Variants in SLC30A9 observed in about 807,000 individuals in gnomAD.
SLC30A9 encodes proton-coupled zinc antiporter SLC30A9, mitochondrial.
SLC30A9 carries 58 observed loss-of-function variants against 87.5 expected under a neutral mutation model. The observed-to-expected ratio is 0.66, with a 90% CI of 0.54 to 0.82. The LOEUF (loss-of-function observed/expected upper bound fraction) is 0.82, where lower values mean the gene tolerates loss of function less well. SLC30A9 is among the 40% of genes least tolerant of loss of function. SLC30A9 has a pLI of 0.00. For synonymous variants in SLC30A9, 234 were observed against 233.0 expected (o/e 1.00, Z -0.04); for missense variants, 557 against 679.1 (o/e 0.82, Z 2.00).
At chr4:42,016,683 T>G (rs1390159338) in intron 2 of SLC30A9, among the ~76,000 whole-genome samples, 6 of 152,176 alleles carry the variant, frequency 3.9e-5, no homozygotes, top group Non-Finnish European at 5.9e-5. Context: ...TTAAATGAGT[T>G]GATACATGCT....
chr4:42,036,646 C>A (rs1264076491), intron 7 of SLC30A9, among the ~76,000 whole-genome samples: 1 of 152,210 alleles, frequency 6.6e-6, no homozygotes, highest in Non-Finnish European at 1.5e-5. Flanking sequence ...ACCCATTTTG[C>A]AAAGTTTAGA....
chr4:42,036,000 G>A (rs2153137115), intron 7 of SLC30A9, among the ~76,000 whole-genome samples: 1 of 152,220 alleles, frequency 6.6e-6, no homozygotes, highest in South Asian at 2.1e-4. Flanking sequence ...CTCTGTGCTT[G>A]TATCCAAGAA....
At chr4:42,082,159 G>A (rs1437235166) in intron 17 of SLC30A9, among the ~76,000 whole-genome samples, 1 of 151,830 alleles carries the variant, frequency 6.6e-6, no homozygotes, top group Non-Finnish European at 1.5e-5. Flanking sequence ...AGAGCTTGCA[G>A]TGAGCCGAGT....
chr4:42,086,175 C>G lies in SLC30A9; in HGVS notation c.*49C>G, dbSNP rs1266117059. 1 of 1,206,456 alleles carries G rather than the reference C, an allele frequency of 8.3e-7. No homozygotes were observed. Among genetic ancestry groups the G allele is most frequent in the South Asian group, 1.6e-5 (1 of 61,800 alleles). 74.7% of individuals were successfully genotyped at this position (1,206,456 alleles called of 1,614,324 possible). A position where few individuals can be genotyped will look rare whatever the true frequency, so the allele number is the denominator to read the frequency against. ...GTGGGGACCTTGGAAACAAGTTTGT[C>G]CGTCCACTCTACAAAGTTTCCTCCT... is the stretch of plus-strand genomic sequence containing the variant. On this transcript the variant is annotated 3_prime_UTR_variant, in exon 18 of 18. Transcript: ENST00000264451.
chr4:42,065,628 C>G (rs1404565918), intron 12 of SLC30A9, among the ~76,000 whole-genome samples: 1 of 152,136 alleles, frequency 6.6e-6, no homozygotes, highest in African/African-American at 2.4e-5. Flanking sequence ...AGGATAGGCT[C>G]AAGTAGGTGA....
chr4:42,068,038 CTTTGA>C (rs1718153098), intron 14 of SLC30A9, among the ~76,000 whole-genome samples: 1 of 152,100 alleles, frequency 6.6e-6, no homozygotes, highest in Non-Finnish European at 1.5e-5. Flanking sequence ...AACATTTATT[CTTTGA>C]TTTAACTCAC....
rs1396804599 is a variant in SLC30A9, at chr4:41,994,267, CAG to C, written c.109+3508_109+3509del. On this transcript the variant is annotated intron_variant, in intron 1 of 17. Transcript: ENST00000264451. ...GTGAAAATATATACTGTGATATTAACAGTGAGTTTGTCTAAAAATTTTTTTAT... is the reference window on the plus strand; with the variant it reads ...GTGAAAATATATACTGTGATATTAACTGAGTTTGTCTAAAAATTTTTTTAT... 5.9e-5 allele frequency among the ~76,000 whole-genome samples: 9 copies of C among 151,984 alleles called. No homozygotes were observed. In the South Asian group the frequency reaches 1.0e-3, roughly 18 times the overall value.
At chr4:42,007,712 G>A (rs568378403) in intron 2 of SLC30A9, among the ~76,000 whole-genome samples, 34 of 152,250 alleles carry the variant, frequency 2.2e-4, no homozygotes, top group Non-Finnish European at 3.2e-4. Context: ...AGCTGAGATC[G>A]CGCCACTGCA....
intron 4 of SLC30A9, 52 bp downstream of exon 4, chr4:42,020,567 A>G: frequency 9.7e-7 from 1 of 1,031,754 alleles, no homozygotes; most frequent in East Asian, 2.5e-5. Context: ...AATCTAAATA[A>G]CTATTCCTTT....
chr4:41,992,135 A>T (rs1044330569), intron 1 of SLC30A9, among the ~76,000 whole-genome samples: 3 of 152,022 alleles, frequency 2.0e-5, no homozygotes, highest in Non-Finnish European at 4.4e-5. Context: ...GCTTCAGCCC[A>T]GGAGTTCCAA....
At chr4:42,048,098 G>A (rs926545969) in intron 8 of SLC30A9, among the ~76,000 whole-genome samples, 5 of 151,936 alleles carry the variant, frequency 3.3e-5, no homozygotes, top group African/African-American at 1.2e-4. Context: ...GCTAGGGGAG[G>A]GATAGCATTA....
At chr4:42,035,190 A>G (rs989559338) in intron 6 of SLC30A9, 85 bp from the exon 7 acceptor site, 11 of 1,359,754 alleles carry the variant, frequency 8.1e-6, no homozygotes, top group African/African-American at 1.5e-5. Flanking sequence ...CATATTTAAC[A>G]TAGTCCTGAA....
chr4:42,040,948 A>G (rs990637029), intron 8 of SLC30A9, among the ~76,000 whole-genome samples: 28 of 152,316 alleles, frequency 1.8e-4, no homozygotes, highest in Middle Eastern at 3.4e-3. Flanking sequence ...TGGGCAATTT[A>G]CAAAAGAAAG....
chr4:42,038,689 C>T (rs1367720932), intron 7 of SLC30A9, among the ~76,000 whole-genome samples: 2 of 152,206 alleles, frequency 1.3e-5, no homozygotes, highest in Non-Finnish European at 2.9e-5. Context: ...TGAATTTCAG[C>T]ACAGTGCATT....
At chr4:42,067,328 C>T in intron 14 of SLC30A9, 136 bp downstream of exon 14, 5 of 597,122 alleles carry the variant, frequency 8.4e-6, no homozygotes, top group Non-Finnish European at 1.5e-5. Flanking sequence ...TAATCATTGA[C>T]TTATGTAAGA....
intron 6 of SLC30A9, among the ~76,000 whole-genome samples, chr4:42,027,387 C>T (rs1245024820): frequency 6.6e-6 from 1 of 152,116 alleles, no homozygotes; most frequent in Non-Finnish European, 1.5e-5. Context: ...TGTCACTTTG[C>T]ACTGCTACTC....
At chr4:42,085,794 G>A (rs531289348) in intron 17 of SLC30A9, among the ~76,000 whole-genome samples, 1 of 151,986 alleles carries the variant, frequency 6.6e-6, no homozygotes, top group African/African-American at 2.4e-5. Flanking sequence ...ACAAAAATGT[G>A]TATTTCCAGT....
intron 1 of SLC30A9, among the ~76,000 whole-genome samples, chr4:41,995,101 C>T (rs779638370): frequency 1.3e-5 from 2 of 151,198 alleles, no homozygotes; most frequent in Non-Finnish European, 3.0e-5. Context: ...CTACTAAAAA[C>T]ACAAAAAAAT....
Position 42,072,078 on chromosome 4 carries a change from T to G in SLC30A9, c.1418+1387T>G, listed in dbSNP as rs191625148. On this transcript the variant is annotated intron_variant, in intron 15 of 17. Transcript: ENST00000264451. ...TAATTTGTTGGTATACAGCTATTTA[T>G]AATATTCCTTTGTAATCCATTTTAT... 3.2e-3 allele frequency among the ~76,000 whole-genome samples: 489 copies of G among 152,328 alleles called. 2 individuals are homozygous for G. Among genetic ancestry groups the G allele is most frequent in the African/African-American group, 0.011 (468 of 41,584 alleles).
Sources: gnomAD v4.1 joint callset for allele counts (sites outside exome capture counted in the v4.1 genomes callset) on GRCh38, gnomAD v4.1.1 for gene constraint, MANE v1.5 for transcripts, NCBI Gene and HGNC (gene_info 2026-07-23, HGNC 2026-07-21) for gene names.